Variants in TXNL1 observed in about 807,000 individuals in gnomAD.
TXNL1 encodes thioredoxin like 1, also known as thioredoxin-like protein 1.
TXNL1 carries 14 observed loss-of-function variants against 35.5 expected under a neutral mutation model. The observed-to-expected ratio is 0.39, with a 90% CI of 0.26 to 0.62. TXNL1 has a LOEUF of 0.62. TXNL1 is among the 20% of genes least tolerant of loss of function. TXNL1 has a pLI of 0.47. For synonymous variants in TXNL1, 110 were observed against 115.5 expected (o/e 0.95, Z 0.31); for missense variants, 263 against 349.7 (o/e 0.75, Z 1.98).
Position 56,624,362 on chromosome 18 carries a change from A to C in TXNL1, c.295T>G (p.Leu99Val), listed in dbSNP as rs1568106278. Residue 99 changes from leucine to valine, a missense_variant, in exon 3 of 8, where the codon TTA becomes GTA. Physicochemically the swap from Leu to Val is conservative, Grantham distance 32 (BLOSUM62 1). Coordinates refer to ENST00000217515, the MANE Select transcript of TXNL1 (RefSeq NM_004786.3). The stretch of plus-strand genomic sequence containing the variant: ...AAGTGCTGCTTGATTTTTTCTTCTA[A>C]TCCCACAGCATCTGCTCCTTGATAT... ...DQYQGADAVGLEEKIKQHLEN... is the reference protein window; with the variant it reads ...DQYQGADAVGVEEKIKQHLEN... 2 of 1,613,760 alleles carry C rather than the reference A, an allele frequency of 1.2e-6. No homozygotes were observed. Among genetic ancestry groups the C allele is most frequent in the Non-Finnish European group, 1.7e-6 (2 of 1,179,838 alleles).
At position 56,618,970 on chromosome 18, in the gene TXNL1, G is replaced by T. The variant is rs55777903; in HGVS notation, c.370-844C>A. ...CATGCTTCTAATCCCAGCACTTTGG[G>T]AGGCCAAGGTGGGTGGACAGCTTGA... On this transcript the variant is annotated intron_variant, in intron 3 of 7. Transcript: ENST00000217515. Among the ~76,000 whole-genome samples, 882 of 152,150 alleles carry T rather than the reference G, an allele frequency of 5.8e-3. 10 individuals carry two copies. The highest frequency in any genetic ancestry group is 0.019 in the African/African-American group (792 of 41,512).
chr18:56,633,759 GCAGATCACGAGGT>G (rs1396905153), intron 1 of TXNL1, among the ~76,000 whole-genome samples: 1 of 151,688 alleles, frequency 6.6e-6, no homozygotes, highest in Non-Finnish European at 1.5e-5. Context: ...GCCGAGGCGG[GCAGATCACGAGGT>G]CAGGAGTTCG....
chr18:56,621,571 T>C (rs1042561690), intron 3 of TXNL1, among the ~76,000 whole-genome samples: 3 of 152,208 alleles, frequency 2.0e-5, no homozygotes, highest in Non-Finnish European at 4.4e-5. Flanking sequence ...CATTATTACA[T>C]TGCATAGTTG....
At position 56,602,664 on chromosome 18, in the gene TXNL1, C is replaced by T. The variant is rs984226848; in HGVS notation, c.*363G>A. 2 of 280,786 alleles carry T rather than the reference C, an allele frequency of 7.1e-6. No homozygotes were observed. The highest frequency in any genetic ancestry group is 1.3e-5 in the Non-Finnish European group (2 of 150,680). 17.4% of individuals were successfully genotyped at this position (280,786 alleles called of 1,614,324 possible). A position where few individuals can be genotyped will look rare whatever the true frequency, so the allele number is the denominator to read the frequency against. On this transcript the variant is annotated 3_prime_UTR_variant, in exon 8 of 8. Transcript: ENST00000217515. ...CAAAATAACTTGCCATGAATGTGTA[C>T]ACATGTACTTCTTAATTCCCTAGAA...
intron 1 of TXNL1, among the ~76,000 whole-genome samples, chr18:56,633,566 G>C (rs758522222): frequency 1.4e-4 from 20 of 146,026 alleles, no homozygotes; most frequent in Non-Finnish European, 2.8e-4. Context: ...CTGCAATTGA[G>C]CCATGATCAC....
At chr18:56,619,712 A>C (rs1184635085) in intron 3 of TXNL1, among the ~76,000 whole-genome samples, 2 of 151,986 alleles carry the variant, frequency 1.3e-5, no homozygotes, top group Non-Finnish European at 2.9e-5. Context: ...CATACCTCCC[A>C]CACATCAGAG....
chr18:56,607,897 A>G (rs2144282391), intron 7 of TXNL1, among the ~76,000 whole-genome samples: 1 of 152,290 alleles, frequency 6.6e-6, no homozygotes, highest in East Asian at 1.9e-4. Context: ...AGGTGAAAAT[A>G]TTGTAAGTCA....
rs657489 is a variant in TXNL1 at position 56,638,333 on chromosome 18, C to T, written c.98+10G>A. ...AGACGGGGACCCACAGAGCTCGAGC[C>T]TGGCCTCACCCTCTCATGGTGAACT... On this transcript the variant is annotated intron_variant, in intron 1 of 7. Transcript: ENST00000217515. 188,918 of 1,607,922 alleles carry T rather than the reference C, an allele frequency of 0.12. 12,197 individuals are homozygous for T. The highest frequency in any genetic ancestry group is 0.13 in the Non-Finnish European group (155,405 of 1,176,010).
At chr18:56,631,672 A>T (rs2024373331) in intron 1 of TXNL1, among the ~76,000 whole-genome samples, 1 of 152,164 alleles carries the variant, frequency 6.6e-6, no homozygotes, top group Non-Finnish European at 1.5e-5. Context: ...TAATCCCAGC[A>T]CTGTGGGGAG....
At chr18:56,629,776 T>A (rs2024342232) in intron 1 of TXNL1, among the ~76,000 whole-genome samples, 1 of 152,126 alleles carries the variant, frequency 6.6e-6, no homozygotes, top group Non-Finnish European at 1.5e-5. Context: ...TATAGTACAA[T>A]ATATCCATTC....
At chr18:56,609,066 A>G (rs2023949364) in intron 7 of TXNL1, 1 of 152,100 alleles carries the variant, frequency 6.6e-6, no homozygotes, top group South Asian at 2.1e-4. Context: ...TGTGTTCATT[A>G]TTTACAAATA....
chr18:56,619,362 ACT>A (rs1024638443), intron 3 of TXNL1, among the ~76,000 whole-genome samples: 12 of 151,520 alleles, frequency 7.9e-5, no homozygotes, highest in African/African-American at 2.9e-4. Context: ...ACATGGTGAA[ACT>A]CTGTCTCTAC....
chr18:56,614,345 C>T lies in TXNL1; in HGVS notation c.735+79G>A, dbSNP rs191865821. The T allele has an allele frequency of 5.5e-3, 7,145 of 1,300,310 alleles. 32 individuals are homozygous for T. Among genetic ancestry groups the T allele is most frequent in the Middle Eastern group, 0.015 (60 of 4,092 alleles). 80.5% of individuals were successfully genotyped at this position (1,300,310 alleles called of 1,614,324 possible). A position where few individuals can be genotyped will look rare whatever the true frequency, so the allele number is the denominator to read the frequency against. Reference sequence around the variant, plus strand: ...GAATAAATACCACTTTAAAGAATCACTTAGACTTACCTAGGATACTGAAAA... The same window carrying T: ...GAATAAATACCACTTTAAAGAATCATTTAGACTTACCTAGGATACTGAAAA... On this transcript the variant is annotated intron_variant, in intron 6 of 7. Coordinates refer to ENST00000217515, the MANE Select transcript of TXNL1 (RefSeq NM_004786.3).
chr18:56,624,212 G>A (rs970130201), intron 3 of TXNL1, 76 bp downstream of exon 3: 2 of 1,408,676 alleles, frequency 1.4e-6, no homozygotes, highest in East Asian at 4.6e-5. Context: ...TGGAAACATA[G>A]TTATATTTCA....
chr18:56,636,565 A>T (rs992577393), intron 1 of TXNL1, among the ~76,000 whole-genome samples: 1 of 152,318 alleles, frequency 6.6e-6, no homozygotes, highest in South Asian at 2.1e-4. Context: ...CGGTTTTTAC[A>T]AAGAAAAAAA....
At chr18:56,609,834 A>G (rs1427472515) in intron 7 of TXNL1, 1 of 152,230 alleles carries the variant, frequency 6.6e-6, no homozygotes, top group Non-Finnish European at 1.5e-5. Context: ...TAACAGCTCT[A>G]AAGTGCATAA....
At chr18:56,636,083 T>TTA (rs1299296734) in intron 1 of TXNL1, among the ~76,000 whole-genome samples, 1 of 152,190 alleles carries the variant, frequency 6.6e-6, no homozygotes, top group Non-Finnish European at 1.5e-5. Context: ...TGCCAATGAA[T>TTA]TATACTCTTA....
At chr18:56,635,894 A>G (rs980278446) in intron 1 of TXNL1, among the ~76,000 whole-genome samples, 2 of 152,226 alleles carry the variant, frequency 1.3e-5, no homozygotes, top group Non-Finnish European at 2.9e-5. Flanking sequence ...AATCATCTCT[A>G]GATTACTTAT....
At chr18:56,630,060 G>A (rs534146846) in intron 1 of TXNL1, among the ~76,000 whole-genome samples, 2 of 152,222 alleles carry the variant, frequency 1.3e-5, no homozygotes, top group East Asian at 3.9e-4. Flanking sequence ...TTAGCCAGGC[G>A]TGATAGCGGA....
Sources: allele counts gnomAD v4.1 joint callset (sites outside exome capture counted in the v4.1 genomes callset), GRCh38; gene constraint gnomAD v4.1.1; transcripts MANE v1.5; gene names NCBI Gene and HGNC (gene_info 2026-07-23, HGNC 2026-07-21).